SLC9B1: variants seen among roughly 807,000 people sequenced by gnomAD.
The protein encoded by SLC9B1 is sodium/hydrogen exchanger 9B1.
Under a neutral mutation model 51.7 loss-of-function variants are expected in SLC9B1, and 32 were observed. That is an observed-to-expected ratio of 0.62 (90% CI 0.47 to 0.83). The LOEUF (loss-of-function observed/expected upper bound fraction) is 0.83. SLC9B1 is among the 40% of genes least tolerant of loss of function. SLC9B1 has a pLI of 0.00. For synonymous variants in SLC9B1, 145 were observed against 212.7 expected, an observed-to-expected ratio of 0.68 and a Z score of 2.77; for missense variants, 406 against 613.2, an observed-to-expected ratio of 0.66 and a Z score of 3.57.
At chr4:102,950,585 G>A (rs1023119072) in intron 3 of SLC9B1, among the ~76,000 whole-genome samples, 4 of 152,154 alleles carry the variant, frequency 2.6e-5, no homozygotes, top group African/African-American at 9.7e-5. Flanking sequence ...GGTAAAAGAG[G>A]ACGATTTTGA....
intron 1 of SLC9B1, among the ~76,000 whole-genome samples, chr4:103,012,366 C>A (rs997881101): frequency 5.3e-5 from 8 of 152,178 alleles, no homozygotes; most frequent in African/African-American, 1.7e-4. Flanking sequence ...TCAGAATGGT[C>A]TTTACTCTCC....
rs1057520144 is a variant in SLC9B1, at chr4:102,885,336, T to C, written c.1333-8A>G. 6.2e-7 allele frequency: 1 copy of C among 1,614,028 alleles called. No individual in the cohort carries two copies. The highest frequency in any genetic ancestry group is 1.7e-5 in the Admixed American group (1 of 60,024). Reference sequence around the variant, plus strand: ...AAGGATAGCTTGATTAATCTTAAAATACAAAAGGAAAATCCGAAAGTAGTG... The same window carrying C: ...AAGGATAGCTTGATTAATCTTAAAACACAAAAGGAAAATCCGAAAGTAGTG... On this transcript the variant is annotated splice_region_variant and splice_polypyrimidine_tract_variant and intron_variant, in intron 11 of 11. Transcript: ENST00000394789.
At position 102,889,788 on chromosome 4, in the gene SLC9B1, C is replaced by CTT. The variant is rs1250068412; in HGVS notation, c.1333-4462_1333-4461dup. The CTT allele has an allele frequency of 2.0e-5, 3 of 152,168 alleles. No homozygotes were observed. The South Asian group carries it at 6.2e-4, about 32-fold the overall frequency. 9.4% of individuals were successfully genotyped at this position (152,168 alleles called of 1,614,324 possible). On this transcript the variant is annotated intron_variant, in intron 11 of 11. Coordinates refer to the SLC9B1 transcript ENST00000394789. ...GCATTATTAGCAGTTTGCATTACTT[C>CTT]TTGTAAATTTACACAATTTTATCTT...
At chr4:102,972,330 G>A (rs1738808431) in intron 3 of SLC9B1, among the ~76,000 whole-genome samples, 1 of 152,178 alleles carries the variant, frequency 6.6e-6, no homozygotes, top group Non-Finnish European at 1.5e-5. Context: ...GCAAGCCTGG[G>A]TCAATATACA....
At chr4:102,926,052 C>T (rs1736152909) in intron 7 of SLC9B1, among the ~76,000 whole-genome samples, 1 of 152,294 alleles carries the variant, frequency 6.6e-6, no homozygotes, top group African/African-American at 2.4e-5. Flanking sequence ...AACACTCCTT[C>T]ATGCTAAAAA....
At chr4:102,945,998 T>A (rs539762877) in intron 5 of SLC9B1, among the ~76,000 whole-genome samples, 107 of 152,212 alleles carry the variant, frequency 7.0e-4, no homozygotes, top group African/African-American at 2.4e-3. Context: ...AGGAACATAA[T>A]CCTGTGGAGA....
chr4:102,948,973 T>C (rs1424713422), intron 4 of SLC9B1, among the ~76,000 whole-genome samples: 2 of 152,134 alleles, frequency 1.3e-5, no homozygotes, highest in Non-Finnish European at 2.9e-5. Flanking sequence ...TTTTTAAAGA[T>C]TCTATTAAAC....
chr4:102,932,947 A>C (rs1736533760), intron 6 of SLC9B1, among the ~76,000 whole-genome samples: 1 of 152,222 alleles, frequency 6.6e-6, no homozygotes. Context: ...TAAGTTACAA[A>C]GGCAAATGAG....
intron 11 of SLC9B1, among the ~76,000 whole-genome samples, chr4:102,886,845 T>G (rs1733950085): frequency 6.6e-6 from 1 of 152,184 alleles, no homozygotes; most frequent in Non-Finnish European, 1.5e-5. Flanking sequence ...GAACTCCTGA[T>G]GTCAAGTGAT....
At chr4:102,982,002 G>A (rs1298012921) in intron 3 of SLC9B1, among the ~76,000 whole-genome samples, 1 of 151,766 alleles carries the variant, frequency 6.6e-6, no homozygotes, top group Non-Finnish European at 1.5e-5. Flanking sequence ...GATTTTCTAT[G>A]TTACCATCTA....
At chr4:102,905,720 T>G in intron 10 of SLC9B1, 70 bp from the exon 11 acceptor site, 4 of 1,477,284 alleles carry the variant, frequency 2.7e-6, no homozygotes, top group Non-Finnish European at 3.7e-6. Flanking sequence ...CCCAGGAATA[T>G]GATTTCTAAA....
At position 102,920,784 on chromosome 4, in the gene SLC9B1, T is replaced by C. The variant is rs548913317; in HGVS notation, c.830-9247A>G. Among the ~76,000 whole-genome samples the C allele has an allele frequency of 5.9e-5, 9 of 152,280 alleles. No individual in the cohort carries two copies. In the South Asian group the frequency reaches 1.2e-3, roughly 21 times the overall value. On this transcript the variant is annotated intron_variant, in intron 7 of 11. Coordinates refer to ENST00000296422, the MANE Select transcript of SLC9B1 (RefSeq NM_139173.4). ...CACATGCACAAGCTTCAATAGCCGA[T>C]TCAATCAAGTGGAAGAAAGGGTATC...
intron 3 of SLC9B1, among the ~76,000 whole-genome samples, chr4:102,960,546 C>A (rs1437976174): frequency 6.6e-6 from 1 of 151,866 alleles, no homozygotes; most frequent in African/African-American, 2.4e-5. Flanking sequence ...TTTTAGGAAG[C>A]CTTGTTATTT....
At chr4:102,936,332 A>T (rs181898777) in intron 6 of SLC9B1, among the ~76,000 whole-genome samples, 1 of 152,212 alleles carries the variant, frequency 6.6e-6, no homozygotes, top group Admixed American at 6.5e-5. Context: ...CAGTGCAAAA[A>T]CTGGCAATGT....
intron 7 of SLC9B1, among the ~76,000 whole-genome samples, chr4:102,914,350 A>T (rs1371827973): frequency 1.3e-5 from 2 of 151,882 alleles, no homozygotes; most frequent in African/African-American, 4.8e-5. Context: ...CAGAGGCTGC[A>T]TAACCCTTCA....
chr4:102,988,385 G>T (rs75429353), intron 3 of SLC9B1, among the ~76,000 whole-genome samples: 2,476 of 152,078 alleles, frequency 0.016, 68 homozygotes, highest in African/African-American at 0.054. Flanking sequence ...AATTTAACTT[G>T]TACACATGTG....
At chr4:102,940,272 T>C (rs1736925336) in intron 6 of SLC9B1, among the ~76,000 whole-genome samples, 2 of 152,002 alleles carry the variant, frequency 1.3e-5, no homozygotes, top group Non-Finnish European at 2.9e-5. Context: ...AAAAAAACTA[T>C]AAAATACCTT....
intron 11 of SLC9B1, among the ~76,000 whole-genome samples, chr4:102,887,031 C>T (rs1208545989): frequency 7.9e-5 from 12 of 152,218 alleles, no homozygotes; most frequent in African/African-American, 2.6e-4. Flanking sequence ...TAGGTGAGCT[C>T]GAATTTTAAG....
chr4:102,948,742 C>A (rs1486809609), intron 4 of SLC9B1, among the ~76,000 whole-genome samples: 3 of 152,114 alleles, frequency 2.0e-5, no homozygotes, highest in African/African-American at 7.2e-5. Flanking sequence ...CATGTTCTCA[C>A]TTATATGTGG....
Sources: gnomAD v4.1 joint callset for allele counts (sites outside exome capture counted in the v4.1 genomes callset) on GRCh38, gnomAD v4.1.1 for gene constraint, MANE v1.5 for transcripts, NCBI Gene and HGNC (gene_info 2026-07-23, HGNC 2026-07-21) for gene names.